Variants in GLDC observed in about 807,000 individuals in gnomAD.
GLDC encodes the protein glycine dehydrogenase (decarboxylating), mitochondrial.
A neutral mutation model predicts 121.3 loss-of-function variants in GLDC; 104 were observed. The ratio of observed to expected loss-of-function variants is 0.86; its 90% CI spans 0.73 to 1.01. The LOEUF (loss-of-function observed/expected upper bound fraction) is 1.01, where lower values mean the gene tolerates loss of function less well. GLDC is among the 50% of genes least tolerant of loss of function. The pLI, the probability that GLDC is intolerant of heterozygous loss-of-function variation, is 0.00. For missense variants in GLDC, 1,429 were observed against 1,306.6 expected, an observed-to-expected ratio of 1.09 and a Z score of -1.44; for synonymous variants, 546 against 480.6, an observed-to-expected ratio of 1.14 and a Z score of -1.78.
intron 8 of GLDC, among the ~76,000 whole-genome samples, chr9:6,601,046 G>A (rs1158031820): frequency 6.6e-6 from 1 of 152,064 alleles, no homozygotes; most frequent in African/African-American, 2.4e-5. Flanking sequence ...TGTGGCAGGC[G>A]CCTGTAATCC....
intron 22 of GLDC, among the ~76,000 whole-genome samples, chr9:6,538,133 C>A (rs1334011804): frequency 1.3e-5 from 2 of 149,836 alleles, no homozygotes; most frequent in East Asian, 3.9e-4. Context: ...TTTAAGAGAA[C>A]AAGCTGATTA....
chr9:6,536,035 T>C (rs747637393), intron 23 of GLDC, 29 bp downstream of exon 23: 5 of 1,596,088 alleles, frequency 3.1e-6, no homozygotes, highest in Admixed American at 1.7e-5. Flanking sequence ...TTAAGGAACA[T>C]TTCAAGCAAT....
chr9:6,577,574 G>C (rs936822734), intron 15 of GLDC, among the ~76,000 whole-genome samples: 2 of 152,050 alleles, frequency 1.3e-5, no homozygotes, highest in Admixed American at 6.6e-5. Context: ...ATATGATCAA[G>C]GCTTTAAAAA....
At chr9:6,538,553 C>T (rs866592860) in intron 22 of GLDC, among the ~76,000 whole-genome samples, 2 of 152,326 alleles carry the variant, frequency 1.3e-5, no homozygotes, top group South Asian at 2.1e-4. Context: ...TTTATTAACA[C>T]TATGTGTTGA....
intron 15 of GLDC, among the ~76,000 whole-genome samples, chr9:6,570,144 A>G (rs1223819141): frequency 1.3e-5 from 2 of 152,244 alleles, no homozygotes; most frequent in Non-Finnish European, 2.9e-5. Context: ...AGAATGCACT[A>G]AAGTAATAAT....
At chr9:6,551,629 C>A (rs1817516900) in intron 20 of GLDC, among the ~76,000 whole-genome samples, 2 of 152,098 alleles carry the variant, frequency 1.3e-5, no homozygotes, top group African/African-American at 2.4e-5. Flanking sequence ...AAAAAGGGGC[C>A]ACATTGCTCC....
intron 15 of GLDC, chr9:6,569,107 C>G (rs1216855354): frequency 6.6e-6 from 1 of 151,966 alleles, no homozygotes; most frequent in African/African-American, 2.4e-5. Context: ...TGACTATAAC[C>G]CAGGCCCTTT....
In GLDC at chr9:6,588,407, T is replaced by G; in HGVS notation, c.1701A>C (p.Glu567Asp). ...SCTMKLNSSS[E>D]LAPITWKEFA... is the part of the protein sequence containing the mutation. ...ACAGAAGTGAGCTACTTACTGCGAG[T>G]TCAGACGAACTGTTCAGTTTCATGG... Residue 567 changes from glutamate (E) to aspartate (D), a missense_variant, in exon 14 of 25, where the codon GAA (glutamate) becomes GAC (aspartate). Glu to Asp is a conservative substitution (Grantham distance 45). Coordinates refer to ENST00000321612, the MANE Select transcript of GLDC (RefSeq NM_000170.3). The G allele has an allele frequency of 2.5e-6, 4 of 1,611,348 alleles. No homozygotes were observed. Among genetic ancestry groups the G allele is most frequent in the Non-Finnish European group, 3.4e-6 (4 of 1,177,578 alleles).
At chr9:6,551,718 G>A (rs1157251310) in intron 20 of GLDC, among the ~76,000 whole-genome samples, 1 of 152,158 alleles carries the variant, frequency 6.6e-6, no homozygotes, top group Non-Finnish European at 1.5e-5. Context: ...TTCGGATAGG[G>A]AAAGAGAAAG....
At chr9:6,592,122 G>T in intron 11 of GLDC, 21 bp downstream of exon 11, 2 of 1,429,986 alleles carry the variant, frequency 1.4e-6, no homozygotes, top group Non-Finnish European at 2.0e-6. Flanking sequence ...GATGAGGAAC[G>T]CATGTTTTTA....
intron 15 of GLDC, chr9:6,565,924 T>A (rs1351583713): frequency 4.6e-6 from 1 of 218,022 alleles, no homozygotes; most frequent in Admixed American, 5.2e-5. Context: ...TATGCAGCCT[T>A]CAAAGATAAG....
intron 17 of GLDC, 164 bp downstream of exon 17, chr9:6,558,395 C>T: frequency 2.5e-6 from 2 of 791,516 alleles, no homozygotes; most frequent in Non-Finnish European, 2.2e-6. Context: ...GGGGATTTCT[C>T]CCTGTTGGTG....
At chr9:6,535,432 C>G (rs1448209653) in intron 23 of GLDC, among the ~76,000 whole-genome samples, 5 of 151,550 alleles carry the variant, frequency 3.3e-5, no homozygotes, top group African/African-American at 9.7e-5. Flanking sequence ...CCTGCCCTCT[C>G]CTACAGGTAG....
At chr9:6,623,363 A>G (rs1819158662) in intron 2 of GLDC, among the ~76,000 whole-genome samples, 1 of 144,594 alleles carries the variant, frequency 6.9e-6, no homozygotes, top group Admixed American at 7.1e-5. Context: ...ACTCAGGGTT[A>G]AATGGATTAA....
chr9:6,645,238 T>C lies in GLDC; in HGVS notation c.255+7A>G. 6.3e-7 allele frequency: 1 copy of C among 1,583,396 alleles called. No individual in the cohort carries two copies. Among genetic ancestry groups the C allele is most frequent in the Non-Finnish European group, 8.6e-7 (1 of 1,165,114 alleles). On this transcript the variant is annotated splice_region_variant and intron_variant, in intron 1 of 24. Coordinates refer to ENST00000321612, the MANE Select transcript of GLDC (RefSeq NM_000170.3). ...GAGGCCGCGGAGGGCCGGGTGGAGG[T>C]CCTTACCGCCAGCCCCAAGGTCTGC...
intron 21 of GLDC, 35 bp from the exon 22 acceptor site, chr9:6,540,181 A>G (rs769173447): frequency 2.4e-6 from 3 of 1,265,896 alleles, no homozygotes; most frequent in Non-Finnish European, 3.5e-6. Flanking sequence ...CAAGATTAGC[A>G]TCAGCTTATT....
intron 3 of GLDC, among the ~76,000 whole-genome samples, chr9:6,617,880 T>C (rs1435476388): frequency 6.6e-6 from 1 of 152,230 alleles, no homozygotes; most frequent in African/African-American, 2.4e-5. Context: ...CTCCTGTTGG[T>C]ACAACTTATG....
intron 11 of GLDC, among the ~76,000 whole-genome samples, chr9:6,590,630 A>G (rs1415415332): frequency 6.6e-6 from 1 of 152,234 alleles, no homozygotes; most frequent in Non-Finnish European, 1.5e-5. Flanking sequence ...CTTCTTGCAC[A>G]GCACAGCCTG....
chr9:6,641,415 C>A (rs1408355160), intron 2 of GLDC, among the ~76,000 whole-genome samples: 1 of 152,222 alleles, frequency 6.6e-6, no homozygotes, highest in Non-Finnish European at 1.5e-5. Flanking sequence ...CATCTGTAAA[C>A]TGGATATTCC....
Sources: gnomAD v4.1 joint callset for allele counts (sites outside exome capture counted in the v4.1 genomes callset) on GRCh38, gnomAD v4.1.1 for gene constraint, MANE v1.5 for transcripts, NCBI Gene and HGNC (gene_info 2026-07-23, HGNC 2026-07-21) for gene names.